URGCP: variants seen among roughly 807,000 people sequenced by gnomAD.
URGCP encodes the protein up-regulator of cell proliferation.
Under a neutral mutation model 24.6 loss-of-function variants are expected in URGCP, and 13 were observed. That is an observed-to-expected ratio of 0.53 (90% CI 0.34 to 0.84). The LOEUF is 0.84. Ranked by LOEUF, URGCP falls within the 40% of genes least tolerant of loss-of-function variation. The probability of loss-of-function intolerance (pLI) is 0.01; values close to 1 mark genes in which losing one functional copy is unlikely to be tolerated. For missense variants in URGCP, 899 were observed against 1,194.3 expected (o/e 0.75, Z 3.64); for synonymous variants, 444 against 487.2 (o/e 0.91, Z 1.17).
chr7:43,910,881 A>T (rs1055100480), upstream of URGCP: 1 of 152,114 alleles, frequency 6.6e-6, no homozygotes. Context: ...TAAAAAGAAC[A>T]TTACATATTG....
intron 1 of URGCP, among the ~76,000 whole-genome samples, chr7:43,917,491 A>G (rs1401345869): frequency 6.6e-6 from 1 of 152,188 alleles, no homozygotes; most frequent in Non-Finnish European, 1.5e-5. Context: ...CTGTAACCAC[A>G]TGGCAGTGCT....
In URGCP at chr7:43,905,001, C is replaced by T. The variant is rs200239182; in HGVS notation, c.14+1561G>A. Among the ~76,000 whole-genome samples the T allele has an allele frequency of 1.1e-4, 16 of 152,220 alleles. 1 individual carries two copies. In the East Asian group the frequency reaches 3.1e-3, roughly 29 times the overall value. On this transcript the variant is annotated intron_variant, in intron 1 of 5. Coordinates refer to ENST00000453200, the MANE Select transcript of URGCP (RefSeq NM_001077663.3). ...AGACCTCAGCTTTTGCAATGGATAT[C>T]CCGCAGAAAATTATAGATTACAAAC...
intron 5 of URGCP, among the ~76,000 whole-genome samples, chr7:43,880,262 G>C (rs1046982841): frequency 1.3e-5 from 2 of 152,130 alleles, no homozygotes; most frequent in Admixed American, 6.6e-5. Context: ...AAAATATTCA[G>C]TGCAGACTGT....
At chr7:43,905,596 C>CGT (rs2095900205) in intron 1 of URGCP, 4 of 152,184 alleles carry the variant, frequency 2.6e-5, no homozygotes, top group African/African-American at 9.7e-5. Context: ...CCGTCCCCTC[C>CGT]CCACCCCTAC....
intron 1 of URGCP, among the ~76,000 whole-genome samples, chr7:43,917,906 G>A (rs2095917134): frequency 6.6e-6 from 1 of 152,088 alleles, no homozygotes; most frequent in South Asian, 2.1e-4. Context: ...TGAGGCTGCA[G>A]TGAGCCATGA....
chr7:43,885,563 A>G (rs1236723095), intron 3 of URGCP, among the ~76,000 whole-genome samples: 1 of 152,238 alleles, frequency 6.6e-6, no homozygotes, highest in Non-Finnish European at 1.5e-5. Flanking sequence ...AGAGACACAG[A>G]GATCAAAGTT....
intron 1 of URGCP, among the ~76,000 whole-genome samples, chr7:43,889,907 ATTT>A (rs11386546): frequency 0.075 from 10,979 of 145,762 alleles, 502 homozygotes; most frequent in Middle Eastern, 0.14. Context: ...ACTGGAAGCA[ATTT>A]TTTTTTTTTT....
chr7:43,883,563 G>A (rs2024012), intron 3 of URGCP, among the ~76,000 whole-genome samples: 70,245 of 150,948 alleles, frequency 0.47, 16,622 homozygotes, highest in South Asian at 0.64. Context: ...GGGTTTCACC[G>A]TGTTAGCCAG....
Position 43,878,160 on chromosome 7 carries a change from C to A in URGCP, c.1303G>T (p.Val435Phe), listed in dbSNP as rs368227707. ...DSFVKRIRAI[V>F]GNVLRAPCRR... ...CAGGGTGCCCGCAGCACATTCCCAA[C>A]GATGGCCCGGATCCTCTTCACGAAG... The change falls in exon 6 of 6, where the codon GTT (valine) becomes TTT (phenylalanine). Residue 435 changes from valine (V) to phenylalanine (F), a missense_variant. By Grantham distance (50) the Val-to-Phe change is conservative. Coordinates refer to ENST00000453200, the MANE Select transcript of URGCP (RefSeq NM_001077663.3). The surrounding 1 kb of genome is among the most constrained non-coding windows in gnomAD (Gnocchi z 5.6). 6.2e-7 allele frequency: 1 copy of A among 1,614,162 alleles called. No individual in the cohort carries two copies. Among genetic ancestry groups the A allele is most frequent in the Non-Finnish European group, 8.5e-7 (1 of 1,180,064 alleles).
chr7:43,911,904 C>A (rs2095910549), intron 1 of URGCP, among the ~76,000 whole-genome samples: 1 of 151,452 alleles, frequency 6.6e-6, no homozygotes, highest in Non-Finnish European at 1.5e-5. Flanking sequence ...CTAGACCTCA[C>A]AACAGGAAGA....
At chr7:43,897,812 T>C (rs2095881566) in intron 1 of URGCP, among the ~76,000 whole-genome samples, 2 of 152,048 alleles carry the variant, frequency 1.3e-5, no homozygotes, top group Non-Finnish European at 2.9e-5. Flanking sequence ...CCAGCAGCAA[T>C]GGCATGTGGC....
intron 1 of URGCP, chr7:43,905,816 AAAAC>A (rs1486758773): frequency 1.3e-5 from 2 of 152,248 alleles, no homozygotes; most frequent in African/African-American, 4.8e-5. Context: ...ATCAAAACAA[AAAAC>A]AAAAAAATAA....
At chr7:43,920,073 G>A in intron 1 of URGCP, 1 of 1,270,530 alleles carries the variant, frequency 7.9e-7, no homozygotes, top group Non-Finnish European at 1.1e-6. Flanking sequence ...CCCTAGGACA[G>A]GGACCCTCAT....
At chr7:43,884,579 A>C (rs1273092211) in intron 3 of URGCP, among the ~76,000 whole-genome samples, 1 of 152,240 alleles carries the variant, frequency 6.6e-6, no homozygotes, top group African/African-American at 2.4e-5. Flanking sequence ...CTGTAACCAC[A>C]GCAATTTGGG....
At chr7:43,890,253 T>G (rs1329548471) in intron 1 of URGCP, among the ~76,000 whole-genome samples, 1 of 136,270 alleles carries the variant, frequency 7.3e-6, no homozygotes, top group Non-Finnish European at 1.6e-5. Flanking sequence ...CTCGCTCTGT[T>G]GCCCAGGCTG....
At chr7:43,905,504 T>G (rs1029761404) in intron 1 of URGCP, 1 of 152,214 alleles carries the variant, frequency 6.6e-6, no homozygotes, top group Non-Finnish European at 1.5e-5. Context: ...TCAGGCCCAC[T>G]GTACTGAGCC....
intron 1 of URGCP, among the ~76,000 whole-genome samples, chr7:43,922,982 A>ACTTT (rs542429872): frequency 2.8e-5 from 3 of 108,234 alleles, no homozygotes; most frequent in East Asian, 2.5e-4. Context: ...TCTCTCTCTT[A>ACTTT]CTTTCTTTCT....
intron 2 of URGCP, 27 bp downstream of exon 2, chr7:43,887,763 T>C (rs1356107311): frequency 6.5e-7 from 1 of 1,548,834 alleles, no homozygotes; most frequent in Admixed American, 2.0e-5. Context: ...AATACAGTCA[T>C]TCAGAAAGAC....
Position 43,877,445 on chromosome 7 carries a change from C to A in URGCP, c.2018G>T (p.Arg673Leu), listed in dbSNP as rs201686582. The change falls in exon 6 of 6, where the codon CGC (arginine) becomes CTC (leucine). Residue 673 changes from arginine (R) to leucine (L), a missense_variant. Coordinates refer to ENST00000453200, the MANE Select transcript of URGCP (RefSeq NM_001077663.3). ...IDGSTLSMPV[R>L]WVTGLLKELH... ...CTCCTTCAGGAGCCCTGTGACCCAGCGGACGGGCATGCTCAGCGTGCTCCC... is the reference window on the plus strand; with the variant it reads ...CTCCTTCAGGAGCCCTGTGACCCAGAGGACGGGCATGCTCAGCGTGCTCCC... 4 of 1,613,480 alleles carry A rather than the reference C, an allele frequency of 2.5e-6. No individual in the cohort carries two copies. The African/African-American group carries it at 4.0e-5, about 16-fold the overall frequency.
Sources: gnomAD v4.1 joint callset for allele counts (sites outside exome capture counted in the v4.1 genomes callset) on GRCh38, gnomAD v4.1.1 for gene constraint, Gnocchi (gnomAD v3.1) non-coding constraint, MANE v1.5 for transcripts, NCBI Gene and HGNC (gene_info 2026-07-23, HGNC 2026-07-21) for gene names.